Variants in RAB11FIP1 observed in about 807,000 individuals in gnomAD.
RAB11FIP1 encodes rab11 family-interacting protein 1.
In RAB11FIP1, 49 loss-of-function variants were observed where a neutral mutation model predicts 83.1. The ratio of observed to expected loss-of-function variants is 0.59; its 90% CI spans 0.47 to 0.75. The LOEUF (loss-of-function observed/expected upper bound fraction) is 0.75, where lower values mean the gene tolerates loss of function less well. Among genes scored for constraint, RAB11FIP1 ranks in the 30% least tolerant of loss-of-function variants. The pLI, the probability that RAB11FIP1 is intolerant of heterozygous loss-of-function variation, is 0.00. For synonymous variants in RAB11FIP1, 670 were observed against 656.0 expected (o/e 1.02, Z -0.33); for missense variants, 1,536 against 1,598.7 (o/e 0.96, Z 0.67).
rs537718107 is a variant in RAB11FIP1, at chr8:37,893,649, G to T, written c.371+5422C>A. On this transcript the variant is annotated intron_variant, in intron 1 of 5. Transcript: ENST00000330843. ...CAAAACCAAAAAATAAATTAGCTCG[G>T]TATGGTGGCACACCCCTGTAGTCCC... Among the ~76,000 whole-genome samples the T allele has an allele frequency of 2.6e-4, 39 of 152,130 alleles. No individual in the cohort carries two copies. The South Asian group carries it at 5.6e-3, about 22-fold the overall frequency.
intron 1 of RAB11FIP1, among the ~76,000 whole-genome samples, chr8:37,878,832 T>A (rs1806676892): frequency 6.6e-6 from 1 of 151,684 alleles, no homozygotes; most frequent in African/African-American, 2.4e-5. Flanking sequence ...AGACTCCATC[T>A]CCATAAAAAA....
chr8:37,886,836 C>T (rs1563373777), intron 1 of RAB11FIP1, among the ~76,000 whole-genome samples: 1 of 152,198 alleles, frequency 6.6e-6, no homozygotes, highest in African/African-American at 2.4e-5. Context: ...CAGTTGAGAA[C>T]ATCTTTTAAA....
Position 37,861,735 on chromosome 8 carries a change from C to T in RAB11FIP1, c.*1160G>A, listed in dbSNP as rs1027967268. On this transcript the variant is annotated 3_prime_UTR_variant, in exon 6 of 6. Coordinates refer to ENST00000330843, the MANE Select transcript of RAB11FIP1 (RefSeq NM_001002814.3). Reference sequence around the variant, plus strand: ...TCCCGAGTAGCTGGGATTACAGGCACGCACCACCATGCCAAGCTAATTTTT... The same window carrying T: ...TCCCGAGTAGCTGGGATTACAGGCATGCACCACCATGCCAAGCTAATTTTT... 24 of 362,520 alleles carry T rather than the reference C, an allele frequency of 6.6e-5. No homozygotes were observed. The highest frequency in any genetic ancestry group is 9.9e-4 in the Middle Eastern group (1 of 1,014). 22.5% of individuals were successfully genotyped at this position (362,520 alleles called of 1,614,324 possible). A position where few individuals can be genotyped will look rare whatever the true frequency, so the allele number is the denominator to read the frequency against.
chr8:37,896,811 G>T (rs536518991), intron 1 of RAB11FIP1, among the ~76,000 whole-genome samples: 1 of 152,284 alleles, frequency 6.6e-6, no homozygotes, highest in South Asian at 2.1e-4. Context: ...AGAAACTTGG[G>T]TGTTTAGGGA....
At chr8:37,894,721 TAC>T (rs1403108079) in intron 1 of RAB11FIP1, among the ~76,000 whole-genome samples, 9 of 146,714 alleles carry the variant, frequency 6.1e-5, no homozygotes, top group African/African-American at 2.3e-4. Flanking sequence ...CATATATATA[TAC>T]ATATATATAT....
chr8:37,883,435 G>T (rs1204561827), intron 1 of RAB11FIP1, among the ~76,000 whole-genome samples: 3 of 152,178 alleles, frequency 2.0e-5, no homozygotes, highest in African/African-American at 7.2e-5. Context: ...CTCCCCAAGT[G>T]TTGGGATTAC....
chr8:37,875,966 AG>A (rs1216522836), intron 2 of RAB11FIP1, among the ~76,000 whole-genome samples: 1 of 152,156 alleles, frequency 6.6e-6, no homozygotes, highest in Non-Finnish European at 1.5e-5. Flanking sequence ...AGGCCAAGGC[AG>A]GTGGATCACT....
chr8:37,896,887 C>G (rs1478256327), intron 1 of RAB11FIP1, among the ~76,000 whole-genome samples: 1 of 152,198 alleles, frequency 6.6e-6, no homozygotes, highest in Non-Finnish European at 1.5e-5. Context: ...GAATCTCCAT[C>G]TCTGGCAGGG....
At chr8:37,895,930 T>C (rs1563376824) in intron 1 of RAB11FIP1, among the ~76,000 whole-genome samples, 1 of 152,090 alleles carries the variant, frequency 6.6e-6, no homozygotes, top group Non-Finnish European at 1.5e-5. Context: ...TTAGCTTTTG[T>C]TTCTTGTTTT....
intron 5 of RAB11FIP1, among the ~76,000 whole-genome samples, chr8:37,870,049 C>G (rs1784810723): frequency 6.6e-6 from 1 of 152,110 alleles, no homozygotes; most frequent in South Asian, 2.1e-4. Flanking sequence ...ATAATCCCAG[C>G]ACTTTGGGAG....
chr8:37,892,423 TTATA>T (rs967712897), intron 1 of RAB11FIP1, among the ~76,000 whole-genome samples: 7 of 138,794 alleles, frequency 5.0e-5, no homozygotes, highest in Admixed American at 1.5e-4. Context: ...CTACTTTTAT[TTATA>T]TTTATTTATT....
chr8:37,867,330 T>A (rs1476742997), intron 5 of RAB11FIP1, among the ~76,000 whole-genome samples: 1 of 152,202 alleles, frequency 6.6e-6, no homozygotes, highest in East Asian at 1.9e-4. Context: ...AGGGCCGAAA[T>A]GTAGTAGGTA....
At position 37,862,577 on chromosome 8, in the gene RAB11FIP1, A is replaced by T. The variant is rs967514570; in HGVS notation, c.*318T>A. ...AAAGAAAACCCCAGTGTTAAAATAC[A>T]TGAATACTTCCTGTGCCATCTGAAT... is the stretch of plus-strand genomic sequence containing the variant. On this transcript the variant is annotated 3_prime_UTR_variant, in exon 6 of 6. Transcript: ENST00000330843. 2.1e-5 allele frequency: 5 copies of T among 237,612 alleles called. No homozygotes were observed. The highest frequency in any genetic ancestry group is 4.2e-5 in the Non-Finnish European group (5 of 120,110). The allele number at this position is 237,612 out of a possible 1,614,324, so 14.7% of individuals were successfully genotyped here. A position where few individuals can be genotyped will look rare whatever the true frequency, so the allele number is the denominator to read the frequency against.
At chr8:37,885,635 TA>T (rs925356664) in intron 1 of RAB11FIP1, among the ~76,000 whole-genome samples, 10 of 152,042 alleles carry the variant, frequency 6.6e-5, no homozygotes, top group Non-Finnish European at 7.4e-5. Flanking sequence ...TGAAGAGAAA[TA>T]AGGGAACACA....
At position 37,871,362 on chromosome 8, in the gene RAB11FIP1, G is replaced by A. The variant is rs142762086; in HGVS notation, c.3440C>T (p.Pro1147Leu). The change falls in exon 4 of 6, where the codon CCA becomes CTA. Residue 1147 changes from proline (P) to leucine (L), a missense_variant. By Grantham distance (98) the Pro-to-Leu change is moderately conservative (BLOSUM62 -3). Transcript: ENST00000330843. ...GRVENFGKRKPLLQAWVSPSE... is the reference protein window; with the variant it reads ...GRVENFGKRKLLLQAWVSPSE... ...GGGTGAGACCCAGGCCTGGAGGAGTGGCTTCCTCTTGCCAAAATTTTCAAC... is the reference window on the plus strand; with the variant it reads ...GGGTGAGACCCAGGCCTGGAGGAGTAGCTTCCTCTTGCCAAAATTTTCAAC... 53 of 1,614,198 alleles carry A rather than the reference G, an allele frequency of 3.3e-5. No individual in the cohort carries two copies. Among genetic ancestry groups the A allele is most frequent in the Non-Finnish European group, 4.4e-5 (52 of 1,180,022 alleles).
chr8:37,899,480 G>A lies in RAB11FIP1; in HGVS notation c.-39C>T. On this transcript the variant is annotated 5_prime_UTR_variant, in exon 1 of 6. Coordinates refer to ENST00000330843, the MANE Select transcript of RAB11FIP1 (RefSeq NM_001002814.3). The surrounding 1 kb of genome is among the most constrained non-coding windows in gnomAD (Gnocchi z 4.5). ...CTCCAGAAGCGAGGAGAAGATCGCC[G>A]CGACTGGCGGCCTCCACGGCCCGCC... 1.3e-6 allele frequency: 2 copies of A among 1,485,144 alleles called. No homozygotes were observed. Among genetic ancestry groups the A allele is most frequent in the Non-Finnish European group, 1.8e-6 (2 of 1,121,694 alleles). The allele number at this position is 1,485,144 out of a possible 1,614,324, so 92.0% of individuals were successfully genotyped here.
chr8:37,873,611 A>C (rs949094239), intron 3 of RAB11FIP1, among the ~76,000 whole-genome samples: 4 of 152,176 alleles, frequency 2.6e-5, no homozygotes. Flanking sequence ...CTCAAAAAAA[A>C]AAAGGAACAC....
chr8:37,894,909 C>T (rs1807033651), intron 1 of RAB11FIP1, among the ~76,000 whole-genome samples: 1 of 150,010 alleles, frequency 6.7e-6, no homozygotes, highest in Non-Finnish European at 1.5e-5. Flanking sequence ...AGGCACCTGC[C>T]ACCACGTCCA....
chr8:37,879,913 G>A lies in RAB11FIP1; in HGVS notation c.372-2362C>T, dbSNP rs1270608091. On this transcript the variant is annotated intron_variant, in intron 1 of 5. Transcript: ENST00000330843. ...AACAGGTTAAAATGGTAAATTTAAT[G>A]TTACATATATTTTACCACAATAAAA... Among the ~76,000 whole-genome samples the A allele has an allele frequency of 4.6e-5, 7 of 152,076 alleles. No homozygotes were observed. The East Asian group carries it at 1.4e-3, about 29-fold the overall frequency.
Sources: gnomAD v4.1 joint callset for allele counts (sites outside exome capture counted in the v4.1 genomes callset) on GRCh38, gnomAD v4.1.1 for gene constraint, Gnocchi (gnomAD v3.1) non-coding constraint, MANE v1.5 for transcripts, NCBI Gene and HGNC (gene_info 2026-07-23, HGNC 2026-07-21) for gene names.